LRRC9: variants seen among roughly 807,000 people sequenced by gnomAD.
LRRC9 encodes leucine-rich repeat-containing protein 9.
LRRC9 carries 122 observed loss-of-function variants against 63.2 expected under a neutral mutation model. The observed-to-expected ratio is 1.93, with a 90% CI of 1.67 to 2.24. The LOEUF (loss-of-function observed/expected upper bound fraction) is 2.24, where lower values mean the gene tolerates loss of function less well. LRRC9 is among the 30% of genes most tolerant of loss of function. The pLI is 0.00. For synonymous variants in LRRC9, 366 were observed against 213.1 expected (o/e 1.72, Z -6.25); for missense variants, 1,071 against 627.7 (o/e 1.71, Z -7.55).
exon 25 of LRRC9, chr14:60,018,406 A>G (rs1386939434): frequency 1.4e-6 from 1 of 700,576 alleles, no homozygotes; most frequent in Non-Finnish European, 2.6e-6. Flanking sequence ...CAATTTAGAA[A>G]TGTGTGTAAT....
At chr14:59,925,323 G>C (rs1889121553) in intron 1 of LRRC9, among the ~76,000 whole-genome samples, 1 of 152,154 alleles carries the variant, frequency 6.6e-6, no homozygotes, top group Non-Finnish European at 1.5e-5. Flanking sequence ...CTAAGATCAA[G>C]GCATCAGCAT....
In LRRC9 at chr14:60,058,735, T is replaced by C. The variant is rs1437545583; in HGVS notation, c.4276+713T>C. ...CTTCCCATTTGTCCTCAGACCACTCTTAGACAATAAAACTGAACATCACAA... is the reference window on the plus strand; with the variant it reads ...CTTCCCATTTGTCCTCAGACCACTCCTAGACAATAAAACTGAACATCACAA... On this transcript the variant is annotated intron_variant, in intron 31 of 31. Coordinates refer to ENST00000445360, the Ensembl canonical transcript of LRRC9. The surrounding 1 kb of genome is among the most constrained non-coding windows in gnomAD (Gnocchi z 4.4). Among the ~76,000 whole-genome samples, 1 of 152,132 alleles carries C rather than the reference T, an allele frequency of 6.6e-6. No homozygotes were observed. Among genetic ancestry groups the C allele is most frequent in the Non-Finnish European group, 1.5e-5 (1 of 68,006 alleles).
Position 60,001,328 on chromosome 14 carries a change from A to G in LRRC9, c.2530-638A>G, listed in dbSNP as rs536374172. Among the ~76,000 whole-genome samples the G allele has an allele frequency of 5.3e-5, 8 of 152,242 alleles. No homozygotes were observed. In the South Asian group the frequency reaches 1.4e-3, roughly 28 times the overall value. ...TCATGATGACAGTGTTTATAATAGC[A>G]AAAACTGAATCAACCCCAATGTTCA... is the stretch of plus-strand genomic sequence containing the variant. On this transcript the variant is annotated intron_variant, in intron 19 of 31. Transcript: ENST00000445360.
At position 60,051,968 on chromosome 14, in the gene LRRC9, C is replaced by G. The variant is rs1893926983; in HGVS notation, c.3991-1097C>G. 6.6e-6 allele frequency among the ~76,000 whole-genome samples: 1 copy of G among 152,208 alleles called. No homozygotes were observed. Among genetic ancestry groups the G allele is most frequent in the South Asian group, 2.1e-4 (1 of 4,824 alleles). The stretch of plus-strand genomic sequence containing the variant: ...GCCACTCCCATGTGGGCTGTCACCC[C>G]ACCCTGCTTTTCTTTGTTCCCCATG... On this transcript the variant is annotated intron_variant, in intron 29 of 31. Transcript: ENST00000445360. This position sits in a 1 kb window ranked among gnomAD's most constrained non-coding sequence, Gnocchi z 4.7.
rs1178240688 is a variant in LRRC9 at position 60,051,072 on chromosome 14, C to A, written c.3991-1993C>A. Among the ~76,000 whole-genome samples, 1 of 152,230 alleles carries A rather than the reference C, an allele frequency of 6.6e-6. No individual in the cohort carries two copies. The highest frequency in any genetic ancestry group is 1.5e-5 in the Non-Finnish European group (1 of 68,036). On this transcript the variant is annotated intron_variant, in intron 29 of 31. Transcript: ENST00000445360. The surrounding 1 kb of genome is among the most constrained non-coding windows in gnomAD (Gnocchi z 4.7). ...CAGGAGGAACAGGATCAAGGACACA[C>A]TTACAGGAGTAGTCTGGCTGCTTTT...
chr14:60,036,714 G>C (rs912622379), intron 29 of LRRC9, among the ~76,000 whole-genome samples: 3 of 92,912 alleles, frequency 3.2e-5, no homozygotes, highest in African/African-American at 1.3e-4. Context: ...CTGTTGTAAA[G>C]TTACTCTTTG....
chr14:60,046,880 C>G (rs79894470), intron 29 of LRRC9, among the ~76,000 whole-genome samples: 1 of 152,204 alleles, frequency 6.6e-6, no homozygotes, highest in African/African-American at 2.4e-5. Flanking sequence ...TTGATTCTTC[C>G]TATCCATGAG....
At chr14:60,052,492 A>AT (rs1340347943) in intron 29 of LRRC9, among the ~76,000 whole-genome samples, 1 of 152,196 alleles carries the variant, frequency 6.6e-6, no homozygotes, top group African/African-American at 2.4e-5. Flanking sequence ...CATAAATCAT[A>AT]TTGTTCGTAT....
At chr14:60,037,446 A>G (rs1892540060) in intron 29 of LRRC9, among the ~76,000 whole-genome samples, 1 of 152,118 alleles carries the variant, frequency 6.6e-6, no homozygotes, top group Non-Finnish European at 1.5e-5. Flanking sequence ...TGACTTTTTA[A>G]TGATCGCCAT....
chr14:59,984,640 C>T (rs1311120220), intron 16 of LRRC9, among the ~76,000 whole-genome samples: 1 of 152,128 alleles, frequency 6.6e-6, no homozygotes, highest in Non-Finnish European at 1.5e-5. Flanking sequence ...TTCTGTCCTC[C>T]TACTTCAGCA....
At chr14:59,953,749 G>T (rs1267277093) in intron 8 of LRRC9, among the ~76,000 whole-genome samples, 3 of 152,114 alleles carry the variant, frequency 2.0e-5, no homozygotes, top group Admixed American at 6.6e-5. Context: ...CTTATGTCCT[G>T]CATGGTATTG....
intron 15 of LRRC9, among the ~76,000 whole-genome samples, chr14:59,981,631 TG>T (rs2140100377): frequency 6.6e-6 from 1 of 152,344 alleles, no homozygotes; most frequent in Admixed American, 6.5e-5. Flanking sequence ...AATTATCTTC[TG>T]CCAGTTTTAA....
At chr14:60,006,263 T>C (rs1889799919) in intron 21 of LRRC9, 134 bp from the exon 22 acceptor site, 1 of 538,362 alleles carries the variant, frequency 1.9e-6, no homozygotes, top group Non-Finnish European at 3.3e-6. Context: ...AAAGCAATGA[T>C]GGTTAGTATT....
At chr14:60,010,176 T>C (rs1421964150) in intron 23 of LRRC9, among the ~76,000 whole-genome samples, 2 of 152,212 alleles carry the variant, frequency 1.3e-5, no homozygotes, top group African/African-American at 4.8e-5. Context: ...CACATTTCTT[T>C]TTGGCACTGC....
At chr14:59,934,139 A>C (rs1448547673) in intron 6 of LRRC9, among the ~76,000 whole-genome samples, 1 of 152,124 alleles carries the variant, frequency 6.6e-6, no homozygotes, top group Non-Finnish European at 1.5e-5. Flanking sequence ...GTTAACAGAA[A>C]AAAAAAGAAA....
chr14:59,929,030 A>G (rs1889457770), intron 3 of LRRC9, among the ~76,000 whole-genome samples: 1 of 152,174 alleles, frequency 6.6e-6, no homozygotes, highest in Non-Finnish European at 1.5e-5. Flanking sequence ...TTCATGACGA[A>G]GACACCAAAA....
At position 59,965,000 on chromosome 14, in the gene LRRC9, A is replaced by G. The variant is rs1162576278; in HGVS notation, c.1212-1589A>G. On this transcript the variant is annotated intron_variant, in intron 10 of 31. Transcript: ENST00000445360. This position sits in a 1 kb window ranked among gnomAD's most constrained non-coding sequence, Gnocchi z 4.4. ...GCTCAAGGAGAGACTACCCATCAGG[A>G]AGCTCACCTCTGTGACCTTAGCTCA... 7.9e-5 allele frequency among the ~76,000 whole-genome samples: 12 copies of G among 152,210 alleles called. No homozygotes were observed. The highest frequency in any genetic ancestry group is 1.6e-4 in the Non-Finnish European group (11 of 68,034).
At chr14:60,018,613 T>A (rs1890881563) in intron 25 of LRRC9, 134 bp downstream of exon 25, 2 of 499,484 alleles carry the variant, frequency 4.0e-6, no homozygotes, top group Non-Finnish European at 7.1e-6. Context: ...TTTTTTTGTT[T>A]TTTACTAAGC....
Position 59,930,546 on chromosome 14 carries a change from G to A in LRRC9, c.268-372G>A, listed in dbSNP as rs192816005. Among the ~76,000 whole-genome samples, 462 of 151,854 alleles carry A rather than the reference G, an allele frequency of 3.0e-3. 2 individuals carry two copies. Among genetic ancestry groups the A allele is most frequent in the Middle Eastern group, 0.01 (3 of 292 alleles). On this transcript the variant is annotated intron_variant, in intron 3 of 31. Transcript: ENST00000445360. This position sits in a 1 kb window ranked among gnomAD's most constrained non-coding sequence, Gnocchi z 4.9. ...TTAATTTAAAGAGTCCCACAAAATT[G>A]TGTGTGCATTAGGATTATAAAGTGC...
Sources: gnomAD v4.1 joint callset for allele counts (sites outside exome capture counted in the v4.1 genomes callset) on GRCh38, gnomAD v4.1.1 for gene constraint, Gnocchi (gnomAD v3.1) non-coding constraint, MANE v1.5 for transcripts, NCBI Gene and HGNC (gene_info 2026-07-23, HGNC 2026-07-21) for gene names.